The following NRXN1 variants were observed in gnomAD, a reference collection of about 807,000 sequenced individuals.
NRXN1 encodes the protein neurexin-1.
NRXN1 carries 39 observed loss-of-function variants against 150.9 expected under a neutral mutation model. The ratio of observed to expected loss-of-function variants is 0.26; its 90% CI spans 0.20 to 0.34. The LOEUF (loss-of-function observed/expected upper bound fraction) is 0.34, where lower values mean the gene tolerates loss of function less well. Among genes scored for constraint, NRXN1 ranks in the 10% least tolerant of loss-of-function variants. The pLI is 1.00. For missense variants in NRXN1, 1,815 were observed against 1,949.9 expected (o/e 0.93, Z 1.30); for synonymous variants, 924 against 757.0 (o/e 1.22, Z -3.62).
intron 9 of NRXN1, among the ~76,000 whole-genome samples, chr2:50,539,026 A>G (rs190587361): frequency 5.7e-4 from 87 of 152,318 alleles, no homozygotes; most frequent in Non-Finnish European, 8.4e-4. Context: ...CCAATATTCA[A>G]TTGCAATCCA....
Position 50,532,713 on chromosome 2 carries a change from C to T in NRXN1, c.2144-1283G>A, listed in dbSNP as rs191485261. Among the ~76,000 whole-genome samples the T allele has an allele frequency of 3.3e-3, 494 of 151,984 alleles. 7 individuals are homozygous for T. Among genetic ancestry groups the T allele is most frequent in the African/African-American group, 0.011 (472 of 41,444 alleles). On this transcript the variant is annotated intron_variant, in intron 10 of 22. Transcript: ENST00000401669. Reference sequence around the variant, plus strand: ...TTTGTTACTAAACTAAGGCAGATGGCATCAGTAGGGAAGTTGCTTAGTACT... The same window carrying T: ...TTTGTTACTAAACTAAGGCAGATGGTATCAGTAGGGAAGTTGCTTAGTACT...
intron 12 of NRXN1, among the ~76,000 whole-genome samples, chr2:50,522,720 A>ATTTTTTTTT (rs869200431): frequency 4.2e-5 from 2 of 47,722 alleles, no homozygotes; most frequent in Non-Finnish European, 5.3e-5. Context: ...ATTTTTATTC[A>ATTTTTTTTT]TTTTTTTTTT....
intron 5 of NRXN1, among the ~76,000 whole-genome samples, chr2:50,764,038 A>G (rs1484812951): frequency 6.7e-6 from 1 of 148,428 alleles, no homozygotes; most frequent in Non-Finnish European, 1.5e-5. Context: ...TTTTTTTGCT[A>G]AAGGAGGAAC....
At chr2:50,794,036 C>T (rs1008999647) in intron 5 of NRXN1, among the ~76,000 whole-genome samples, 41 of 151,912 alleles carry the variant, frequency 2.7e-4, no homozygotes, top group African/African-American at 8.9e-4. Flanking sequence ...GCAGGGAAGC[C>T]GTTAAACACC....
At chr2:50,592,511 G>T (rs1349953023) in intron 8 of NRXN1, among the ~76,000 whole-genome samples, 2 of 152,214 alleles carry the variant, frequency 1.3e-5, no homozygotes, top group African/African-American at 4.8e-5. Context: ...AGAGGGCAGG[G>T]AGGTTCTCTT....
intron 18 of NRXN1, among the ~76,000 whole-genome samples, chr2:50,176,871 T>G (rs2060384708): frequency 6.6e-6 from 1 of 152,038 alleles, no homozygotes; most frequent in Admixed American, 6.6e-5. Context: ...ACATACAGGT[T>G]GCTTTCAGTT....
intron 17 of NRXN1, among the ~76,000 whole-genome samples, chr2:50,252,775 C>G (rs946735062): frequency 6.6e-6 from 1 of 151,992 alleles, no homozygotes; most frequent in Non-Finnish European, 1.5e-5. Flanking sequence ...TTCCATTAGT[C>G]TATGTGTCTG....
At chr2:50,934,709 A>G (rs1447154850) in intron 2 of NRXN1, among the ~76,000 whole-genome samples, 1 of 152,188 alleles carries the variant, frequency 6.6e-6, no homozygotes, top group African/African-American at 2.4e-5. Flanking sequence ...TCAAAAAAGG[A>G]AATAATTAAA....
At chr2:50,107,060 C>T (rs1324563011) in intron 18 of NRXN1, among the ~76,000 whole-genome samples, 1 of 151,892 alleles carries the variant, frequency 6.6e-6, no homozygotes, top group Non-Finnish European at 1.5e-5. Flanking sequence ...CTTAAGTTCT[C>T]CAAATAAATA....
At chr2:51,030,364 A>G (rs1359856917) in intron 1 of NRXN1, among the ~76,000 whole-genome samples, 1 of 151,990 alleles carries the variant, frequency 6.6e-6, no homozygotes, top group East Asian at 1.9e-4. Context: ...AGCTGAAACT[A>G]GCAGTAATTT....
intron 5 of NRXN1, among the ~76,000 whole-genome samples, chr2:50,842,406 T>G (rs146560965): frequency 6.6e-6 from 1 of 152,306 alleles, no homozygotes; most frequent in African/African-American, 2.4e-5. Flanking sequence ...GTAAGTAAAT[T>G]ACACATTGTA....
intron 17 of NRXN1, among the ~76,000 whole-genome samples, chr2:50,400,256 T>G (rs1170267947): frequency 1.3e-5 from 2 of 152,120 alleles, no homozygotes; most frequent in African/African-American, 4.8e-5. Flanking sequence ...CATATTCCAA[T>G]ATGTGTAAGA....
intron 18 of NRXN1, among the ~76,000 whole-genome samples, chr2:50,204,507 C>T (rs149619662): frequency 6.6e-6 from 1 of 152,016 alleles, no homozygotes; most frequent in African/African-American, 2.4e-5. Flanking sequence ...ACAAATTATA[C>T]CACTGACTCA....
chr2:50,222,621 A>G (rs1330961900), intron 18 of NRXN1, among the ~76,000 whole-genome samples: 1 of 151,972 alleles, frequency 6.6e-6, no homozygotes, highest in African/African-American at 2.4e-5. Context: ...TGCTGAAAAA[A>G]TTAAAATACC....
intron 2 of NRXN1, among the ~76,000 whole-genome samples, chr2:51,001,841 T>A (rs1245795235): frequency 2.0e-5 from 3 of 151,892 alleles, no homozygotes; most frequent in African/African-American, 7.2e-5. Flanking sequence ...TGCCTTTCAC[T>A]CCTGAAGCAC....
At chr2:50,720,144 G>C (rs772238545) in intron 5 of NRXN1, among the ~76,000 whole-genome samples, 3 of 151,906 alleles carry the variant, frequency 2.0e-5, no homozygotes, top group African/African-American at 4.8e-5. Context: ...TTTTGGATCA[G>C]AACATGCAAT....
At chr2:50,228,926 C>A (rs79264457) in intron 18 of NRXN1, among the ~76,000 whole-genome samples, 4,871 of 152,034 alleles carry the variant, frequency 0.032, 109 homozygotes, top group Middle Eastern at 0.065. Flanking sequence ...GGAGAGAGGC[C>A]TCCTCTGTGT....
chr2:50,000,354 C>T (rs1321694263), intron 21 of NRXN1, among the ~76,000 whole-genome samples: 1 of 152,118 alleles, frequency 6.6e-6, no homozygotes, highest in Non-Finnish European at 1.5e-5. Context: ...AATTATATAA[C>T]TAGAGATAAT....
chr2:50,802,569 G>T (rs1482700490), intron 5 of NRXN1, among the ~76,000 whole-genome samples: 1 of 135,632 alleles, frequency 7.4e-6, no homozygotes, highest in Non-Finnish European at 1.6e-5. Flanking sequence ...AAGGAAGGAA[G>T]GAGAGAGACA....
Sources: allele counts gnomAD v4.1 joint callset (sites outside exome capture counted in the v4.1 genomes callset), GRCh38; gene constraint gnomAD v4.1.1; transcripts MANE v1.5; gene names NCBI Gene and HGNC (gene_info 2026-07-23, HGNC 2026-07-21).